The following CA5A variants were observed in gnomAD, a reference collection of about 807,000 sequenced individuals.
CA5A encodes the protein carbonic anhydrase 5A, mitochondrial.
In CA5A, 28 loss-of-function variants were observed where a neutral mutation model predicts 37.1. That is an observed-to-expected ratio of 0.75 (90% CI 0.56 to 1.03). The LOEUF (loss-of-function observed/expected upper bound fraction) is 1.03, where lower values mean the gene tolerates loss of function less well. Ranked by LOEUF, CA5A falls within the 50% of genes least tolerant of loss-of-function variation. The pLI is 0.00. For missense variants in CA5A, 444 were observed against 399.9 expected (o/e 1.11, Z -0.94); for synonymous variants, 171 against 158.4 (o/e 1.08, Z -0.60).
Position 87,936,495 on chromosome 16 carries a change from C to T in CA5A, c.-45G>A. The T allele has an allele frequency of 6.2e-7, 1 of 1,608,462 alleles. No homozygotes were observed. Among genetic ancestry groups the T allele is most frequent in the Admixed American group, 1.7e-5 (1 of 59,668 alleles). ...ACTCCAGTCTGAAGAGGGTGATGTT[C>T]CCTGCTGTCTGTTCTCACTTTGATC... On this transcript the variant is annotated 5_prime_UTR_variant, in exon 1 of 7. Transcript: ENST00000649794.
At chr16:87,931,991 A>G (rs2056413001) in intron 1 of CA5A, among the ~76,000 whole-genome samples, 1 of 149,910 alleles carries the variant, frequency 6.7e-6, no homozygotes, top group Non-Finnish European at 1.5e-5. Flanking sequence ...CTGTAATCCC[A>G]GCTACTCAAC....
intron 2 of CA5A, chr16:87,923,976 A>C (rs1251844631): frequency 1.1e-5 from 11 of 984,780 alleles, no homozygotes; most frequent in Non-Finnish European, 1.1e-5. Flanking sequence ...TAATATAACC[A>C]CATTAAAACT....
intron 2 of CA5A, among the ~76,000 whole-genome samples, chr16:87,905,894 G>A (rs1270322621): frequency 1.3e-5 from 2 of 152,222 alleles, no homozygotes. Flanking sequence ...CTCCTGACAT[G>A]TGGGGCTCAG....
intron 2 of CA5A, among the ~76,000 whole-genome samples, chr16:87,906,088 G>C (rs1388145171): frequency 7.2e-5 from 11 of 152,346 alleles, no homozygotes; most frequent in Admixed American, 3.9e-4. Context: ...TGCTACAAAT[G>C]GGGTACCCGT....
At chr16:87,899,488 A>G (rs1222341651) in intron 5 of CA5A, among the ~76,000 whole-genome samples, 5 of 150,132 alleles carry the variant, frequency 3.3e-5, no homozygotes, top group African/African-American at 1.2e-4. Flanking sequence ...TTTTTAGTAG[A>G]GATGAGGTTT....
At chr16:87,890,547 T>C (rs2055698046) in intron 6 of CA5A, among the ~76,000 whole-genome samples, 1 of 152,186 alleles carries the variant, frequency 6.6e-6, no homozygotes, top group East Asian at 1.9e-4. Context: ...CTGAACTGCC[T>C]TGGACAGACA....
intron 1 of CA5A, among the ~76,000 whole-genome samples, chr16:87,935,030 C>T (rs888179988): frequency 4.6e-5 from 7 of 152,174 alleles, no homozygotes; most frequent in Admixed American, 3.3e-4. Context: ...CTTCCATGGC[C>T]CTGGAGAGAA....
chr16:87,935,264 A>G (rs2056456061), intron 1 of CA5A, among the ~76,000 whole-genome samples: 1 of 152,206 alleles, frequency 6.6e-6, no homozygotes, highest in South Asian at 2.1e-4. Flanking sequence ...AGCACCTGAG[A>G]CCCAGAAAGA....
At position 87,936,295 on chromosome 16, in the gene CA5A, G is replaced by A; in HGVS notation, c.142+14C>T. 6.3e-7 allele frequency: 1 copy of A among 1,592,562 alleles called. No homozygotes were observed. ...GATCCAGTCGCATCTTAGGAAATTT[G>A]AGGCTCTACTTACAAGTGTTATTGC... On this transcript the variant is annotated intron_variant, in intron 1 of 6. Transcript: ENST00000649794.
In CA5A at chr16:87,904,772, C is replaced by T. The variant is rs374632451; in HGVS notation, c.459+14G>A. 37 of 1,517,708 alleles carry T rather than the reference C, an allele frequency of 2.4e-5. No homozygotes were observed. In the African/African-American group the frequency reaches 4.9e-4, roughly 20 times the overall value. 94.0% of individuals were successfully genotyped at this position (1,517,708 alleles called of 1,614,324 possible). ...AAGTGTGCAGATATGTGCTGTTAGGCCACGTCTACAAACCTCTGCGGGGTA... is the reference window on the plus strand; with the variant it reads ...AAGTGTGCAGATATGTGCTGTTAGGTCACGTCTACAAACCTCTGCGGGGTA... On this transcript the variant is annotated intron_variant, in intron 3 of 6. Coordinates refer to ENST00000649794, the MANE Select transcript of CA5A (RefSeq NM_001739.2).
chr16:87,906,143 G>T (rs1466418012), intron 2 of CA5A, among the ~76,000 whole-genome samples: 1 of 152,182 alleles, frequency 6.6e-6, no homozygotes, highest in African/African-American at 2.4e-5. Context: ...TCCTGGGATG[G>T]CTGGGCAAGG....
At chr16:87,933,735 C>G (rs1417754731) in intron 1 of CA5A, among the ~76,000 whole-genome samples, 1 of 152,094 alleles carries the variant, frequency 6.6e-6, no homozygotes, top group African/African-American at 2.4e-5. Context: ...TCTCTCAAGG[C>G]CAAACCACCA....
chr16:87,883,125 A>G (rs2055622403), downstream of CA5A: 1 of 152,154 alleles, frequency 6.6e-6, no homozygotes, highest in Non-Finnish European at 1.5e-5. Flanking sequence ...GGTTCAAGCA[A>G]TTCTCCTGCC....
At position 87,904,908 on chromosome 16, in the gene CA5A, G is replaced by T. The variant is rs1468247745; in HGVS notation, c.341-4C>A. On this transcript the variant is annotated splice_region_variant and splice_polypyrimidine_tract_variant and intron_variant, in intron 2 of 6. Coordinates refer to ENST00000649794, the MANE Select transcript of CA5A (RefSeq NM_001739.2). The stretch of plus-strand genomic sequence containing the variant: ...TCCAAGGGCCCACCACTAATTCCTG[G>T]AAATAAAGGCAGTGAGACGTGTGTG... The T allele has an allele frequency of 4.4e-6, 7 of 1,579,734 alleles. No homozygotes were observed. In the Admixed American group the frequency reaches 8.3e-5, roughly 19 times the overall value.
intron 1 of CA5A, among the ~76,000 whole-genome samples, chr16:87,934,265 T>G (rs750602677): frequency 9.9e-5 from 15 of 152,190 alleles, no homozygotes; most frequent in Non-Finnish European, 2.2e-4. Flanking sequence ...CTGGGGGAAG[T>G]TAAGAAAGTC....
chr16:87,924,169 T>C (rs2056269540), intron 2 of CA5A: 1 of 985,294 alleles, frequency 1.0e-6, no homozygotes, highest in Admixed American at 6.1e-5. Context: ...TCCGAGCTGG[T>C]CTTGTCCTTC....
intron 2 of CA5A, among the ~76,000 whole-genome samples, chr16:87,912,400 A>G (rs1304323615): frequency 6.6e-6 from 1 of 152,230 alleles, no homozygotes; most frequent in East Asian, 1.9e-4. Context: ...TGAAGCAGAT[A>G]CCACGATTCT....
At chr16:87,897,154 C>T (rs61030603) in intron 5 of CA5A, among the ~76,000 whole-genome samples, 4,766 of 152,328 alleles carry the variant, frequency 0.031, 256 homozygotes, top group African/African-American at 0.11. Flanking sequence ...GCTAGAAGAG[C>T]CCCCACAGGG....
At chr16:87,910,738 C>G (rs1211532043) in intron 2 of CA5A, among the ~76,000 whole-genome samples, 2 of 151,742 alleles carry the variant, frequency 1.3e-5, no homozygotes, top group South Asian at 2.1e-4. Context: ...TTACCACACC[C>G]CACTAATTTT....
Sources: allele counts gnomAD v4.1 joint callset (sites outside exome capture counted in the v4.1 genomes callset), GRCh38; gene constraint gnomAD v4.1.1; transcripts MANE v1.5; gene names NCBI Gene and HGNC (gene_info 2026-07-23, HGNC 2026-07-21).